The following FHIT variants were observed in gnomAD, a reference collection of about 807,000 sequenced individuals.
FHIT encodes fragile histidine triad diadenosine triphosphatase.
FHIT carries 19 observed loss-of-function variants against 17.9 expected under a neutral mutation model. That is an observed-to-expected ratio of 1.06 (90% CI 0.74 to 1.56). FHIT has a LOEUF of 1.56. Among genes scored for constraint, FHIT ranks in the 40% most tolerant of loss-of-function variants. The probability of loss-of-function intolerance (pLI) is 0.00; values close to 1 mark genes in which losing one functional copy is unlikely to be tolerated. For synonymous variants in FHIT, 81 were observed against 69.7 expected, an observed-to-expected ratio of 1.16 and a Z score of -0.81; for missense variants, 248 against 189.2, an observed-to-expected ratio of 1.31 and a Z score of -1.82.
chr3:60,372,194 G>T (rs1700358690), intron 5 of FHIT, among the ~76,000 whole-genome samples: 1 of 152,150 alleles, frequency 6.6e-6, no homozygotes, highest in Non-Finnish European at 1.5e-5. Flanking sequence ...AGCCTAAAAA[G>T]TCTGAGAAAT....
intron 7 of FHIT, among the ~76,000 whole-genome samples, chr3:59,955,538 G>A (rs1173444574): frequency 4.6e-5 from 7 of 151,994 alleles, no homozygotes; most frequent in East Asian, 1.9e-4. Flanking sequence ...CCACTTCTCC[G>A]CTGGTTGTCA....
chr3:60,312,831 T>G (rs1709007105), intron 5 of FHIT, among the ~76,000 whole-genome samples: 1 of 152,176 alleles, frequency 6.6e-6, no homozygotes, highest in East Asian at 1.9e-4. Context: ...CAACTAATTC[T>G]TGAAAATGTT....
At chr3:60,390,285 T>C (rs1233631190) in intron 5 of FHIT, among the ~76,000 whole-genome samples, 2 of 151,598 alleles carry the variant, frequency 1.3e-5, no homozygotes, top group Admixed American at 1.3e-4. Flanking sequence ...AGATGAAAAA[T>C]TTTTAGTCCA....
At chr3:60,034,216 T>C (rs1410596998) in intron 5 of FHIT, among the ~76,000 whole-genome samples, 1 of 152,222 alleles carries the variant, frequency 6.6e-6, no homozygotes. Context: ...CTTTGCTAGT[T>C]GCCCTTTAAC....
At chr3:61,137,473 T>C (rs143991207) in intron 2 of FHIT, among the ~76,000 whole-genome samples, 201 of 152,238 alleles carry the variant, frequency 1.3e-3, no homozygotes, top group Middle Eastern at 3.4e-3. Flanking sequence ...CTTATGCGCT[T>C]ACCTCTTTCA....
At chr3:60,040,777 C>T (rs1159876964) in intron 5 of FHIT, among the ~76,000 whole-genome samples, 1 of 151,964 alleles carries the variant, frequency 6.6e-6, no homozygotes, top group Admixed American at 6.6e-5. Context: ...CTCCAGGGCA[C>T]CAACATGTAG....
At chr3:59,946,646 G>A (rs1444906605) in intron 7 of FHIT, among the ~76,000 whole-genome samples, 1 of 152,170 alleles carries the variant, frequency 6.6e-6, no homozygotes, top group African/African-American at 2.4e-5. Flanking sequence ...TATGATGTTG[G>A]CTATGGATTT....
chr3:59,836,387 A>G (rs948619375), intron 8 of FHIT, among the ~76,000 whole-genome samples: 4 of 152,120 alleles, frequency 2.6e-5, no homozygotes, highest in African/African-American at 9.7e-5. Flanking sequence ...TTGGATAACT[A>G]AGTAGGAGAC....
chr3:60,879,740 A>G (rs1016125704), intron 3 of FHIT, among the ~76,000 whole-genome samples: 7 of 151,874 alleles, frequency 4.6e-5, no homozygotes, highest in African/African-American at 1.7e-4. Context: ...TAATTCAATT[A>G]ATAAAATAAA....
chr3:60,926,364 TCA>T (rs1427613629), intron 3 of FHIT, among the ~76,000 whole-genome samples: 1 of 152,114 alleles, frequency 6.6e-6, no homozygotes, highest in Non-Finnish European at 1.5e-5. Context: ...ATCTCTCAGA[TCA>T]CAGTGCAATC....
At chr3:61,064,515 G>A (rs1364755856) in intron 2 of FHIT, among the ~76,000 whole-genome samples, 1 of 152,124 alleles carries the variant, frequency 6.6e-6, no homozygotes, top group Non-Finnish European at 1.5e-5. Context: ...GGTACTATTA[G>A]TTGGGTGTTC....
intron 5 of FHIT, among the ~76,000 whole-genome samples, chr3:60,028,897 C>T (rs985250905): frequency 1.4e-5 from 2 of 148,098 alleles, no homozygotes; most frequent in African/African-American, 2.5e-5. Context: ...ATTGAAAACA[C>T]AAAGGATGAA....
At chr3:60,824,722 A>C (rs1376667037) in intron 3 of FHIT, among the ~76,000 whole-genome samples, 1 of 152,108 alleles carries the variant, frequency 6.6e-6, no homozygotes, top group Admixed American at 6.5e-5. Flanking sequence ...TGCTGTTCTC[A>C]TGAGAGTGAA....
intron 4 of FHIT, among the ~76,000 whole-genome samples, chr3:60,660,727 CTCT>C (rs1242810867): frequency 2.4e-4 from 4 of 16,758 alleles, no homozygotes; most frequent in African/African-American, 5.4e-4. Context: ...TTTTATTGTG[CTCT>C]TTTTTTTTTT....
At chr3:60,130,774 G>C (rs970674154) in intron 5 of FHIT, among the ~76,000 whole-genome samples, 1 of 876 alleles carries the variant, frequency 1.1e-3, no homozygotes, top group South Asian at 0.12. Flanking sequence ...GTTTGTGTGT[G>C]TGTGTGTGTG....
chr3:60,922,950 C>T (rs772550592), intron 3 of FHIT, among the ~76,000 whole-genome samples: 1 of 152,220 alleles, frequency 6.6e-6, no homozygotes, highest in Admixed American at 6.5e-5. Context: ...TTGAATAACA[C>T]TTGATCATTA....
chr3:60,942,049 A>T (rs371367576), intron 3 of FHIT, among the ~76,000 whole-genome samples: 5 of 152,218 alleles, frequency 3.3e-5, no homozygotes, highest in African/African-American at 1.2e-4. Context: ...ACAATGGCAC[A>T]ATTGGCTCGC....
intron 3 of FHIT, among the ~76,000 whole-genome samples, chr3:61,004,926 A>G (rs148129089): frequency 1.3e-5 from 2 of 152,210 alleles, no homozygotes; most frequent in Non-Finnish European, 2.9e-5. Flanking sequence ...TTAAATATAT[A>G]ATATGGGATA....
chr3:60,877,699 T>C (rs1553756822), intron 3 of FHIT, among the ~76,000 whole-genome samples: 1 of 152,086 alleles, frequency 6.6e-6, no homozygotes, highest in Non-Finnish European at 1.5e-5. Flanking sequence ...ATGTAGTATC[T>C]TGTGTCCCAA....
Sources: allele counts gnomAD v4.1 joint callset (sites outside exome capture counted in the v4.1 genomes callset), GRCh38; gene constraint gnomAD v4.1.1; transcripts MANE v1.5; gene names NCBI Gene and HGNC (gene_info 2026-07-23, HGNC 2026-07-21).